KBTBD8: variants seen among roughly 807,000 people sequenced by gnomAD.
KBTBD8 encodes kelch repeat and BTB domain-containing protein 8.
Under a neutral mutation model 53.5 loss-of-function variants are expected in KBTBD8, and 31 were observed. That is an observed-to-expected ratio of 0.58 (90% CI 0.44 to 0.78). The LOEUF (loss-of-function observed/expected upper bound fraction) is 0.78. Among genes scored for constraint, KBTBD8 ranks in the 30% least tolerant of loss-of-function variants. The probability of loss-of-function intolerance (pLI) is 0.00; values close to 1 mark genes in which losing one functional copy is unlikely to be tolerated. For synonymous variants in KBTBD8, 250 were observed against 247.3 expected (o/e 1.01, Z -0.10); for missense variants, 642 against 735.8 (o/e 0.87, Z 1.48).
At chr3:67,005,303 T>A (rs555982619) in intron 3 of KBTBD8, among the ~76,000 whole-genome samples, 2 of 152,340 alleles carry the variant, frequency 1.3e-5, no homozygotes, top group Non-Finnish European at 1.5e-5. Flanking sequence ...CCATGTAATG[T>A]TTTGGTCAAT....
In KBTBD8 at chr3:67,004,160, G is replaced by A. The variant is rs867933424; in HGVS notation, c.1193G>A (p.Arg398His). The A allele has an allele frequency of 3.1e-6, 5 of 1,614,204 alleles. No individual in the cohort carries two copies. Among genetic ancestry groups the A allele is most frequent in the East Asian group, 2.2e-5 (1 of 44,894 alleles). Residue 398 changes from arginine to histidine, a missense_variant, in exon 3 of 4, where the codon CGT (arginine) becomes CAT (histidine). Physicochemically the swap from Arg to His is conservative, Grantham distance 29. Transcript: ENST00000417314. ...GGTAAAATGTATGCAATCGGAGGTC[G>A]TGTTTATGAAGGTGATGGGAGAAAC... is the stretch of plus-strand genomic sequence containing the variant. ...CCGKMYAIGG[R>H]VYEGDGRNSL...
chr3:66,998,602 C>A (rs557714052), intron 1 of KBTBD8, among the ~76,000 whole-genome samples: 281 of 152,160 alleles, frequency 1.8e-3, no homozygotes, highest in African/African-American at 6.6e-3. Context: ...CAGGAGGCAG[C>A]GGGAGGCGGC....
At chr3:67,005,834 T>C (rs1020633165) in intron 3 of KBTBD8, among the ~76,000 whole-genome samples, 2 of 152,114 alleles carry the variant, frequency 1.3e-5, no homozygotes, top group Non-Finnish European at 2.9e-5. Context: ...ATTTTTTTAT[T>C]TTTGGTAGAG....
intron 2 of KBTBD8, among the ~76,000 whole-genome samples, chr3:67,001,949 G>A (rs185010466): frequency 1.0e-3 from 154 of 152,198 alleles, no homozygotes; most frequent in Middle Eastern, 3.4e-3. Context: ...TTAAAGGAGC[G>A]AAAAGAAAGG....
intron 2 of KBTBD8, 30 bp from the exon 3 acceptor site, chr3:67,003,165 G>T (rs747938150): frequency 1.9e-6 from 3 of 1,592,130 alleles, no homozygotes; most frequent in Non-Finnish European, 2.6e-6. Flanking sequence ...TATAGCACAC[G>T]TGTAATATTA....
Position 67,004,203 on chromosome 3 carries a change from G to A in KBTBD8, c.1236G>A (p.Glu412=). 1 of 1,614,194 alleles carries A rather than the reference G, an allele frequency of 6.2e-7. No individual in the cohort carries two copies. Among genetic ancestry groups the A allele is most frequent in the Non-Finnish European group, 8.5e-7 (1 of 1,180,032 alleles). The change falls in exon 3 of 4, where the codon GAG becomes GAA. Residue 412 remains glutamate, a synonymous_variant. Transcript: ENST00000417314. ...GDGRNSLKSV[E]CYDSRENCWT... ...GGAGAAACTCACTAAAATCTGTTGA[G>A]TGCTACGACAGTAGAGAGAATTGTT... is the stretch of plus-strand genomic sequence containing the variant.
rs1218874883 is a variant in KBTBD8 at position 66,998,378 on chromosome 3, C to A, written c.16+7C>A. ...GAAATGGCCGCGTCGGCAGGTGGGTCGTGTGGTGGCCAGGGCGGCGTGGAG... is the reference window on the plus strand; with the variant it reads ...GAAATGGCCGCGTCGGCAGGTGGGTAGTGTGGTGGCCAGGGCGGCGTGGAG... On this transcript the variant is annotated splice_region_variant and intron_variant, in intron 1 of 3. Transcript: ENST00000417314. 15 of 1,098,960 alleles carry A rather than the reference C, an allele frequency of 1.4e-5. No homozygotes were observed. The highest frequency in any genetic ancestry group is 1.6e-5 in the Non-Finnish European group (14 of 891,222). The allele number at this position is 1,098,960 out of a possible 1,614,324, so 68.1% of individuals were successfully genotyped here. A position where few individuals can be genotyped will look rare whatever the true frequency, so the allele number is the denominator to read the frequency against.
In KBTBD8 at chr3:67,000,148, C is replaced by T. The variant is rs563197186; in HGVS notation, c.227+957C>T. Among the ~76,000 whole-genome samples, 119 of 152,212 alleles carry T rather than the reference C, an allele frequency of 7.8e-4. 1 individual carries two copies. In the South Asian group the frequency reaches 0.024, roughly 31 times the overall value. On this transcript the variant is annotated intron_variant, in intron 2 of 3. Transcript: ENST00000417314. Reference sequence around the variant, plus strand: ...TAGGGCACATAACCATATAATGTTCCAACAGTAGTTTCTGGTTCCTCTTTC... The same window carrying T: ...TAGGGCACATAACCATATAATGTTCTAACAGTAGTTTCTGGTTCCTCTTTC...
rs780513829 is a variant in KBTBD8, at chr3:67,003,881, C to T, written c.914C>T (p.Pro305Leu). 3 of 1,614,018 alleles carry T rather than the reference C, an allele frequency of 1.9e-6. No individual in the cohort carries two copies. Among genetic ancestry groups the T allele is most frequent in the African/African-American group, 2.7e-5 (2 of 74,912 alleles). ...HKHSGKKQTV[P>L]CLDIVTGRVF... ...CACTCAGGAAAGAAGCAAACAGTGC[C>T]TTGTCTAGATATAGTCACAGGAAGG... The change falls in exon 3 of 4, where the codon CCT becomes CTT. Residue 305 changes from proline (P) to leucine (L), a missense_variant. By Grantham distance (98) the Pro-to-Leu change is moderately conservative. Transcript: ENST00000417314.
intron 3 of KBTBD8, among the ~76,000 whole-genome samples, chr3:67,005,783 C>G (rs1035749525): frequency 2.0e-5 from 3 of 151,798 alleles, no homozygotes; most frequent in African/African-American, 7.3e-5. Flanking sequence ...TCACATGATT[C>G]TTCCACCTCA....
intron 2 of KBTBD8, among the ~76,000 whole-genome samples, chr3:67,001,119 G>A (rs1438563188): frequency 6.6e-6 from 1 of 152,028 alleles, no homozygotes; most frequent in African/African-American, 2.4e-5. Context: ...AAAAATACTT[G>A]AGAAATTTTC....
chr3:67,007,921 G>A lies in KBTBD8; in HGVS notation c.1343-1G>A, dbSNP rs1366263881. 1.4e-6 allele frequency: 2 copies of A among 1,394,658 alleles called. No individual in the cohort carries two copies. The highest frequency in any genetic ancestry group is 1.5e-5 in the South Asian group (1 of 64,734). The allele number at this position is 1,394,658 out of a possible 1,614,324, so 86.4% of individuals were successfully genotyped here. ...TCTTGTTTTCTTTTTTTTTTTTTTA[G>A]GAGAATTTTTTCTCTTCTATGAGCC... On this transcript the variant is annotated splice_acceptor_variant, in intron 3 of 3. Coordinates refer to ENST00000417314, the MANE Select transcript of KBTBD8 (RefSeq NM_032505.3). LOFTEE classifies it high-confidence loss of function.
At chr3:66,998,839 G>T in intron 1 of KBTBD8, 142 bp from the exon 2 acceptor site, 1 of 669,794 alleles carries the variant, frequency 1.5e-6, no homozygotes. Flanking sequence ...GCGGTCCCAC[G>T]AGGTCGTGCG....
At chr3:67,007,002 A>C (rs1368272363) in intron 3 of KBTBD8, among the ~76,000 whole-genome samples, 1 of 152,180 alleles carries the variant, frequency 6.6e-6, no homozygotes, top group Admixed American at 6.5e-5. Context: ...AACTGACTCA[A>C]AGTCAACATC....
chr3:67,003,758 G>C lies in KBTBD8; in HGVS notation c.791G>C (p.Ser264Thr), dbSNP rs1343644178. The change falls in exon 3 of 4, where the codon AGC (serine) becomes ACC (threonine). Residue 264 changes from serine to threonine, a missense_variant. Transcript: ENST00000417314. ...CAGTTTGCACAGGCTATAGCCAAAA[G>C]CTGTGTAGAAAAGGGACCATCCAAC... ...PPQFAQAIAKSCVEKGPSNTN... is the reference protein window; with the variant it reads ...PPQFAQAIAKTCVEKGPSNTN... 4.3e-6 allele frequency: 7 copies of C among 1,614,002 alleles called. No homozygotes were observed. Among genetic ancestry groups the C allele is most frequent in the African/African-American group, 1.3e-5 (1 of 74,924 alleles).
chr3:67,011,095 A>G lies in KBTBD8; in HGVS notation c.*2710A>G, dbSNP rs1262698137. The G allele has an allele frequency of 6.6e-6, 1 of 152,632 alleles. No homozygotes were observed. Among genetic ancestry groups the G allele is most frequent in the African/African-American group, 2.4e-5 (1 of 41,462 alleles). 9.5% of individuals were successfully genotyped at this position (152,632 alleles called of 1,614,324 possible). On this transcript the variant is annotated 3_prime_UTR_variant, in exon 4 of 4. Coordinates refer to ENST00000417314, the MANE Select transcript of KBTBD8 (RefSeq NM_032505.3). ...TGCTCAGGTATGTAGTAAGTACTGT[A>G]GTCCTGTGGGGGCAAATGTGTAGAT...
rs200424245 is a variant in KBTBD8 at position 67,000,719 on chromosome 3, AAAAAC to A, written c.227+1548_227+1552del. 9.4e-3 allele frequency among the ~76,000 whole-genome samples: 1,429 copies of A among 152,236 alleles called. 22 individuals are homozygous for A. Among genetic ancestry groups the A allele is most frequent in the African/African-American group, 0.032 (1,342 of 41,542 alleles). On this transcript the variant is annotated intron_variant, in intron 2 of 3. Coordinates refer to ENST00000417314, the MANE Select transcript of KBTBD8 (RefSeq NM_032505.3). ...TATATTGCATTTGAATAGTAAAAACAAAAACAAAACAAAACAAAACAAAAACTGCA... is the reference window on the plus strand; with the variant it reads ...TATATTGCATTTGAATAGTAAAAACAAAAACAAAACAAAACAAAAACTGCA...
chr3:67,003,285 C>T lies in KBTBD8; in HGVS notation c.318C>T (p.Asn106=). ...VEAESMDLVL[N]YAYTSRVILT... ...CTGAATCGATGGATTTAGTGTTGAACTATGCCTACACTTCCAGAGTTATTC... is the reference window on the plus strand; with the variant it reads ...CTGAATCGATGGATTTAGTGTTGAATTATGCCTACACTTCCAGAGTTATTC... Residue 106 remains asparagine, a synonymous_variant, in exon 3 of 4, where the codon AAC becomes AAT. Coordinates refer to ENST00000417314, the MANE Select transcript of KBTBD8 (RefSeq NM_032505.3). 10 of 1,614,056 alleles carry T rather than the reference C, an allele frequency of 6.2e-6. No homozygotes were observed. Among genetic ancestry groups the T allele is most frequent in the Non-Finnish European group, 8.5e-6 (10 of 1,179,934 alleles).
In KBTBD8 at chr3:67,008,388, G is replaced by T. The variant is rs375668260; in HGVS notation, c.*3G>T. The stretch of plus-strand genomic sequence containing the variant: ...AGTGTCTTCAGAAAGTACTCTAAAT[G>T]AGTAGCAGGCCTTAGTGCATCACTG... On this transcript the variant is annotated 3_prime_UTR_variant, in exon 4 of 4. Coordinates refer to ENST00000417314, the MANE Select transcript of KBTBD8 (RefSeq NM_032505.3). 6 of 1,588,556 alleles carry T rather than the reference G, an allele frequency of 3.8e-6. No homozygotes were observed. Among genetic ancestry groups the T allele is most frequent in the Non-Finnish European group, 4.3e-6 (5 of 1,160,634 alleles).
Sources: gnomAD v4.1 joint callset for allele counts (sites outside exome capture counted in the v4.1 genomes callset) on GRCh38, gnomAD v4.1.1 for gene constraint, MANE v1.5 for transcripts, NCBI Gene and HGNC (gene_info 2026-07-23, HGNC 2026-07-21) for gene names.